The following KCTD1 variants were observed in gnomAD, a reference collection of about 807,000 sequenced individuals.
KCTD1 encodes BTB/POZ domain-containing protein KCTD1.
Under a neutral mutation model 66.0 loss-of-function variants are expected in KCTD1, and 24 were observed. The observed-to-expected ratio is 0.36, with a 90% CI of 0.26 to 0.51. The LOEUF is 0.51. Ranked by LOEUF, KCTD1 falls within the 20% of genes least tolerant of loss-of-function variation. The pLI is 0.95. For synonymous variants in KCTD1, 511 were observed against 517.2 expected (o/e 0.99, Z 0.16); for missense variants, 943 against 1,205.2 (o/e 0.78, Z 3.22).
At chr18:26,556,207 T>G (rs1985703464) in intron 1 of KCTD1, among the ~76,000 whole-genome samples, 1 of 152,168 alleles carries the variant, frequency 6.6e-6, no homozygotes, top group South Asian at 2.1e-4. Context: ...ATGCTGGAGA[T>G]CCAGGCTTTG....
At chr18:26,649,157 T>A (rs1987981421) in intron 1 of KCTD1, among the ~76,000 whole-genome samples, 1 of 152,202 alleles carries the variant, frequency 6.6e-6, no homozygotes, top group African/African-American at 2.4e-5. Context: ...GCATAGACAC[T>A]GTTCCATTCC....
chr18:26,610,468 C>G (rs999269235), intron 1 of KCTD1, among the ~76,000 whole-genome samples: 6 of 152,044 alleles, frequency 3.9e-5, no homozygotes, highest in African/African-American at 1.4e-4. Flanking sequence ...GTCCTAGCTA[C>G]TTGGGAGGGT....
chr18:26,467,801 C>T (rs563941966), intron 3 of KCTD1, among the ~76,000 whole-genome samples: 2 of 151,906 alleles, frequency 1.3e-5, no homozygotes, highest in Non-Finnish European at 2.9e-5. Flanking sequence ...GGTGACAGAG[C>T]GAGACCCTAT....
rs1002720981 is a variant in KCTD1 at position 26,468,283 on chromosome 18, G to C, written c.2133+8232C>G. Among the ~76,000 whole-genome samples, 3 of 152,204 alleles carry C rather than the reference G, an allele frequency of 2.0e-5. No individual in the cohort carries two copies. Among genetic ancestry groups the C allele is most frequent in the African/African-American group, 7.2e-5 (3 of 41,458 alleles). On this transcript the variant is annotated intron_variant, in intron 3 of 4. Coordinates refer to ENST00000580059, the MANE Select transcript of KCTD1 (RefSeq NM_001142730.3). The surrounding 1 kb of genome is among the most constrained non-coding windows in gnomAD (Gnocchi z 4.8). ...CTTATGCAGAGAACAGATCTCAACAGCTTTCCATGGAAGCCAGGACAGGAG... is the reference window on the plus strand; with the variant it reads ...CTTATGCAGAGAACAGATCTCAACACCTTTCCATGGAAGCCAGGACAGGAG...
chr18:26,616,141 CTTTTTTT>C (rs11354165), intron 1 of KCTD1, among the ~76,000 whole-genome samples: 1 of 138,128 alleles, frequency 7.2e-6, no homozygotes, highest in African/African-American at 2.7e-5. Context: ...TTAAGTGTTT[CTTTTTTT>C]TTTTTTTTCT....
At chr18:26,540,330 G>A (rs972078657) in intron 1 of KCTD1, among the ~76,000 whole-genome samples, 3 of 152,172 alleles carry the variant, frequency 2.0e-5, no homozygotes, top group Non-Finnish European at 4.4e-5. Flanking sequence ...TCTTAAATCT[G>A]CCAGCCTCTT....
chr18:26,594,759 C>G (rs1044420537), intron 1 of KCTD1, among the ~76,000 whole-genome samples: 4 of 152,078 alleles, frequency 2.6e-5, no homozygotes, highest in African/African-American at 9.7e-5. Flanking sequence ...GCAGATTACC[C>G]CCCATCATGT....
intron 1 of KCTD1, among the ~76,000 whole-genome samples, chr18:26,508,439 G>A (rs1362611702): frequency 6.6e-6 from 1 of 152,178 alleles, no homozygotes; most frequent in African/African-American, 2.4e-5. Context: ...TTGAACAAAT[G>A]AGCTGAAGTT....
At chr18:26,486,393 G>A (rs906266844) in intron 2 of KCTD1, among the ~76,000 whole-genome samples, 1 of 152,218 alleles carries the variant, frequency 6.6e-6, no homozygotes, top group Non-Finnish European at 1.5e-5. Context: ...TGTCCCAGAA[G>A]TCCCAGCTCC....
chr18:26,570,191 A>AAAAAAAATATATATAT (rs776923644), intron 1 of KCTD1, among the ~76,000 whole-genome samples: 1 of 132,544 alleles, frequency 7.5e-6, no homozygotes, highest in Non-Finnish European at 1.6e-5. Context: ...ATCTAAAAAA[A>AAAAAAAATATATATAT]ATATATATAT....
At chr18:26,634,891 A>G (rs1160853228) in intron 1 of KCTD1, among the ~76,000 whole-genome samples, 1 of 152,224 alleles carries the variant, frequency 6.6e-6, no homozygotes, top group Admixed American at 6.5e-5. Flanking sequence ...AACTCTGGCC[A>G]TTTGCTAAAC....
At chr18:26,551,697 A>T (rs554055244), upstream of KCTD1, among the ~76,000 whole-genome samples, 6 of 152,230 alleles carry the variant, frequency 3.9e-5, no homozygotes, top group Non-Finnish European at 7.3e-5. Flanking sequence ...ACAAAATTAC[A>T]GTGGAGTTCA....
chr18:26,600,344 A>G (rs968761342), intron 1 of KCTD1: 2 of 1,441,520 alleles, frequency 1.4e-6, no homozygotes, highest in African/African-American at 2.8e-5. Flanking sequence ...GATGCCTAGG[A>G]AGGGCCTGAC....
At chr18:26,656,906 C>T (rs1385591604) in intron 1 of KCTD1, among the ~76,000 whole-genome samples, 1 of 5,812 alleles carries the variant, frequency 1.7e-4, no homozygotes, top group Non-Finnish European at 3.5e-4. Context: ...GGGAGGGGCT[C>T]GGGGAGGGCG....
intron 1 of KCTD1, among the ~76,000 whole-genome samples, chr18:26,611,815 A>G (rs1195691227): frequency 1.3e-5 from 2 of 152,142 alleles, no homozygotes; most frequent in Non-Finnish European, 2.9e-5. Context: ...TTTTTGGGTG[A>G]TGAAGACTTA....
At chr18:26,486,334 G>C (rs1465637626) in intron 2 of KCTD1, among the ~76,000 whole-genome samples, 1 of 152,212 alleles carries the variant, frequency 6.6e-6, no homozygotes, top group African/African-American at 2.4e-5. Flanking sequence ...TCCCTGAAGA[G>C]TGAGGGCCAG....
At chr18:26,486,748 T>G (rs1468581856) in intron 2 of KCTD1, among the ~76,000 whole-genome samples, 2 of 152,218 alleles carry the variant, frequency 1.3e-5, no homozygotes, top group Non-Finnish European at 2.9e-5. Flanking sequence ...GGAATTAACT[T>G]GCATGTCACT....
intron 1 of KCTD1, among the ~76,000 whole-genome samples, chr18:26,624,052 C>T (rs149535028): frequency 0.066 from 10,080 of 152,238 alleles, 830 homozygotes; most frequent in African/African-American, 0.2. Flanking sequence ...AAGAGACTGG[C>T]GGCATTTTGC....
chr18:26,640,260 A>G, intron 1 of KCTD1: 1 of 152,118 alleles, frequency 6.6e-6, no homozygotes, highest in Non-Finnish European at 1.5e-5. Flanking sequence ...ACATAGTGAG[A>G]CCTCATCCCT....
Sources: allele counts gnomAD v4.1 joint callset (sites outside exome capture counted in the v4.1 genomes callset), GRCh38; gene constraint gnomAD v4.1.1; non-coding constraint Gnocchi (gnomAD v3.1); transcripts MANE v1.5; gene names NCBI Gene and HGNC (gene_info 2026-07-23, HGNC 2026-07-21).